Variants in THBS2 observed in about 807,000 individuals in gnomAD.
THBS2 encodes the protein thrombospondin 2.
In THBS2, 47 loss-of-function variants were observed where a neutral mutation model predicts 135.2. That is an observed-to-expected ratio of 0.35 (90% CI 0.28 to 0.44). THBS2 has a LOEUF of 0.44. Ranked by LOEUF, THBS2 falls within the 20% of genes least tolerant of loss-of-function variation. The probability of loss-of-function intolerance (pLI) is 1.00; values close to 1 mark genes in which losing one functional copy is unlikely to be tolerated. For missense variants in THBS2, 1,288 were observed against 1,603.1 expected (o/e 0.80, Z 3.36); for synonymous variants, 639 against 633.8 (o/e 1.01, Z -0.12).
In THBS2 at chr6:169,248,687, G is replaced by A. The variant is rs1411492488; in HGVS notation, c.339C>T (p.Phe113=). The change falls in exon 3 of 22, where the codon TTC becomes TTT. Residue 113 remains phenylalanine, a synonymous_variant. Coordinates refer to ENST00000617924, the MANE Select transcript of THBS2 (RefSeq NM_003247.5). The part of the protein sequence containing the change: ...LEGPGLSQRQ[F]EIVSNGPADT... The stretch of plus-strand genomic sequence containing the variant: ...CCGCGGGGCCGTTGGAGACGATCTC[G>A]AACTGCCTCTGGGAGAGACCGGGGC... 2.5e-6 allele frequency: 4 copies of A among 1,613,824 alleles called. No individual in the cohort carries two copies. Among genetic ancestry groups the A allele is most frequent in the South Asian group, 1.1e-5 (1 of 91,048 alleles).
At chr6:169,220,840 T>C (rs1011839850) in intron 20 of THBS2, among the ~76,000 whole-genome samples, 1 of 152,308 alleles carries the variant, frequency 6.6e-6, no homozygotes, top group African/African-American at 2.4e-5. Flanking sequence ...GCCACGAGCC[T>C]GCACTTCACC....
chr6:169,235,053 A>T, intron 9 of THBS2, 146 bp from the exon 10 acceptor site: 2 of 729,332 alleles, frequency 2.7e-6, no homozygotes, highest in South Asian at 2.0e-5. Context: ...GGCTGACTAC[A>T]GGTCAGAGCG....
chr6:169,226,966 G>A (rs1218267501), intron 15 of THBS2, among the ~76,000 whole-genome samples: 1 of 152,082 alleles, frequency 6.6e-6, no homozygotes, highest in Admixed American at 6.6e-5. Context: ...AAAATGGAAG[G>A]GACTGGAGCT....
chr6:169,233,013 G>C lies in THBS2; in HGVS notation c.1656C>G (p.Gly552=). 2 of 1,538,916 alleles carry C rather than the reference G, an allele frequency of 1.3e-6. No individual in the cohort carries two copies. The highest frequency in any genetic ancestry group is 1.7e-6 in the Non-Finnish European group (2 of 1,146,330). ...MCNKRSCPVD[G]CLSNPCFPGA... Reference sequence around the variant, plus strand: ...CCGGGAAGCAGGGGTTGGATAAACAGCCATCTGGGTGGGAGAAGGCGGAGC... The same window carrying C: ...CCGGGAAGCAGGGGTTGGATAAACACCCATCTGGGTGGGAGAAGGCGGAGC... The change falls in exon 11 of 22, where the codon GGC becomes GGG. Residue 552 remains glycine, a synonymous_variant. Transcript: ENST00000617924.
In THBS2 at chr6:169,239,606, G is replaced by A. The variant is rs1218574288; in HGVS notation, c.1122C>T (p.Cys374=). 3.7e-6 allele frequency: 6 copies of A among 1,600,224 alleles called. No homozygotes were observed. The highest frequency in any genetic ancestry group is 4.3e-6 in the Non-Finnish European group (5 of 1,174,114). The change falls in exon 7 of 22, where the codon TGC becomes TGT. Residue 374 remains cysteine (C), a synonymous_variant. Transcript: ENST00000617924. ...SFVEGECCPS[C]LHSVDGEEGW... Reference sequence around the variant, plus strand: ...CCGGCTGGCGATACTCACAGTGGAGGCAGGAAGGGCAGCATTCGCCTTCCA... The same window carrying A: ...CCGGCTGGCGATACTCACAGTGGAGACAGGAAGGGCAGCATTCGCCTTCCA...
rs1779581308 is a variant in THBS2, at chr6:169,225,234, G to T, written c.2684C>A (p.Ala895Asp). 1.2e-6 allele frequency: 2 copies of T among 1,613,902 alleles called. No individual in the cohort carries two copies. Among genetic ancestry groups the T allele is most frequent in the African/African-American group, 2.7e-5 (2 of 74,930 alleles). ...ATCGTTGTCATCATCAGGGTCACAG[G>T]CGTCGCCCTGGCCGTCTCTGTCATG... ...ADHDRDGQGD[A>D]CDPDDDNDGV... Residue 895 changes from alanine to aspartate, a missense_variant, in exon 17 of 22, where the codon GCC (alanine) becomes GAC (aspartate). By Grantham distance (126) the Ala-to-Asp change is moderately radical. Around this residue, in one of 2 missense-constraint regions of THBS2, gnomAD observed 874 missense variants for 1,156.1 expected, o/e 0.76. Transcript: ENST00000617924.
intron 10 of THBS2, 70 bp downstream of exon 10, chr6:169,234,664 C>A: frequency 7.3e-7 from 1 of 1,371,892 alleles, no homozygotes; most frequent in South Asian, 1.8e-5. Flanking sequence ...TCTAGTTTCC[C>A]AAAGCGTTTG....
At chr6:169,247,774 TG>T (rs1780603855) in intron 3 of THBS2, among the ~76,000 whole-genome samples, 1 of 151,892 alleles carries the variant, frequency 6.6e-6, no homozygotes, top group South Asian at 2.1e-4. Flanking sequence ...TGTGTGTGCA[TG>T]TGTGGTATGT....
chr6:169,241,953 T>G lies in THBS2; in HGVS notation c.700A>C (p.Ile234Leu). Residue 234 changes from isoleucine to leucine, a missense_variant, in exon 5 of 22, where the codon ATC becomes CTC. Ile to Leu is a conservative substitution (Grantham distance 5). Around this residue, in one of 2 missense-constraint regions of THBS2, gnomAD observed 414 missense variants for 447.0 expected, o/e 0.93. Coordinates refer to ENST00000617924, the MANE Select transcript of THBS2 (RefSeq NM_003247.5). This position sits in a 1 kb window ranked among gnomAD's most constrained non-coding sequence, Gnocchi z 5.5. Reference protein sequence around the residue: ...KGCQQGQGAEINAISENTETL... With the variant: ...KGCQQGQGAELNAISENTETL... Reference sequence around the variant, plus strand: ...TCTGTGTTCTCACTGATGGCGTTGATCTCAGCTGAGGGCAAGCGTAGAAGG... The same window carrying G: ...TCTGTGTTCTCACTGATGGCGTTGAGCTCAGCTGAGGGCAAGCGTAGAAGG... The G allele has an allele frequency of 1.2e-6, 2 of 1,607,516 alleles. No homozygotes were observed. Among genetic ancestry groups the G allele is most frequent in the Non-Finnish European group, 1.7e-6 (2 of 1,177,066 alleles).
rs2114996075 is a variant in THBS2 at position 169,232,689 on chromosome 6, A to G, written c.1907T>C (p.Leu636Pro). ...TTGCTTTTCCGTCTTGGCTGCTTCC[A>G]GGCCGACCCCGACGGGCTGGTTCCC... The part of the protein sequence containing the change: ...YRGNQPVGVG[L>P]EAAKTEKQVC... Residue 636 changes from leucine to proline, a missense_variant, in exon 12 of 22, where the codon CTG becomes CCG. By Grantham distance (98) the Leu-to-Pro change is moderately conservative. Transcript: ENST00000617924. 6.2e-7 allele frequency: 1 copy of G among 1,609,438 alleles called. No individual in the cohort carries two copies. The highest frequency in any genetic ancestry group is 8.5e-7 in the Non-Finnish European group (1 of 1,178,146).
intron 15 of THBS2, among the ~76,000 whole-genome samples, chr6:169,226,627 C>T (rs1427078540): frequency 1.3e-5 from 2 of 152,154 alleles, no homozygotes; most frequent in African/African-American, 2.4e-5. Flanking sequence ...CTCCCTAATA[C>T]CCACTTGGAA....
intron 8 of THBS2, 24 bp downstream of exon 8, chr6:169,237,601 G>T (rs374305779): frequency 1.2e-6 from 2 of 1,610,664 alleles, no homozygotes; most frequent in East Asian, 2.2e-5. Context: ...ACAGGCACGC[G>T]GGTGTCACCT....
Position 169,241,180 on chromosome 6 carries a change from T to C in THBS2, c.891+582A>G, listed in dbSNP as rs9505931. On this transcript the variant is annotated intron_variant, in intron 5 of 21. Coordinates refer to ENST00000617924, the MANE Select transcript of THBS2 (RefSeq NM_003247.5). The surrounding 1 kb of genome is among the most constrained non-coding windows in gnomAD (Gnocchi z 5.5). ...ACTGCACCCTGGTTAGCCATGTGTA[T>C]GTTGTGGGGCACCGTGGCCCGGAGC... is the stretch of plus-strand genomic sequence containing the variant. Among the ~76,000 whole-genome samples, 42,640 of 151,928 alleles carry C rather than the reference T, an allele frequency of 0.28. 6,922 individuals carry two copies. Among genetic ancestry groups the C allele is most frequent in the African/African-American group, 0.44 (18,194 of 41,420 alleles).
At position 169,246,301 on chromosome 6, in the gene THBS2, GA is replaced by G; in HGVS notation, c.610-21del. Reference sequence around the variant, plus strand: ...CAAACCCTGTAAGTATACACAAGCAGAAAAATAGAGCAACAGATAAACATCC... The same window carrying G: ...CAAACCCTGTAAGTATACACAAGCAGAAAATAGAGCAACAGATAAACATCC... On this transcript the variant is annotated intron_variant, in intron 3 of 21. Coordinates refer to ENST00000617924, the MANE Select transcript of THBS2 (RefSeq NM_003247.5). The G allele has an allele frequency of 1.3e-6, 2 of 1,591,800 alleles. No homozygotes were observed. The highest frequency in any genetic ancestry group is 1.7e-6 in the Non-Finnish European group (2 of 1,160,758).
chr6:169,239,483 G>A (rs1319342851), intron 7 of THBS2, 116 bp downstream of exon 7: 1 of 922,442 alleles, frequency 1.1e-6, no homozygotes, highest in Admixed American at 2.2e-5. Flanking sequence ...TCTCTCACCT[G>A]TACTCAGGGG....
intron 13 of THBS2, 65 bp downstream of exon 13, chr6:169,231,915 T>C: frequency 2.6e-6 from 4 of 1,540,562 alleles, no homozygotes; most frequent in Non-Finnish European, 3.5e-6. Flanking sequence ...CCGCGTAGCG[T>C]CCCCGGCGCC....
chr6:169,236,480 C>G, intron 9 of THBS2, among the ~76,000 whole-genome samples: 1 of 76,572 alleles, frequency 1.3e-5, no homozygotes, highest in Non-Finnish European at 3.0e-5. Context: ...CACTCCCCAT[C>G]CACACTCACT....
At chr6:169,242,932 C>A (rs201997392) in intron 4 of THBS2, among the ~76,000 whole-genome samples, 42 of 33,584 alleles carry the variant, frequency 1.3e-3, no homozygotes, top group East Asian at 7.8e-3. Context: ...CCACTCCCAC[C>A]TTCCCACCTT....
chr6:169,231,840 G>T, intron 13 of THBS2, 140 bp downstream of exon 13: 1 of 882,500 alleles, frequency 1.1e-6, no homozygotes, highest in Non-Finnish European at 1.7e-6. Flanking sequence ...CATTCAACCT[G>T]GTGATCAGGC....
Sources: allele counts gnomAD v4.1 joint callset (sites outside exome capture counted in the v4.1 genomes callset), GRCh38; gene constraint gnomAD v4.1.1; regional missense constraint gnomAD v4.1.1; non-coding constraint Gnocchi (gnomAD v3.1); transcripts MANE v1.5; gene names NCBI Gene and HGNC (gene_info 2026-07-23, HGNC 2026-07-21).